Variants in SLC1A3 observed in about 807,000 individuals in gnomAD.
SLC1A3 encodes solute carrier family 1 member 3.
In SLC1A3, 21 loss-of-function variants were observed where a neutral mutation model predicts 48.1. The ratio of observed to expected loss-of-function variants is 0.44; its 90% confidence interval spans 0.31 to 0.63. The LOEUF (loss-of-function observed/expected upper bound fraction) is 0.63. Ranked by LOEUF, SLC1A3 falls within the 20% of genes least tolerant of loss-of-function variation. The pLI is 0.08. For synonymous variants in SLC1A3, 239 were observed against 251.4 expected, an observed-to-expected ratio of 0.95 and a Z score of 0.47; for missense variants, 546 against 689.0, an observed-to-expected ratio of 0.79 and a Z score of 2.32.
chr5:36,671,334 C>T (rs1741988203), intron 4 of SLC1A3, 101 bp downstream of exon 4: 6 of 800,630 alleles, frequency 7.5e-6, no homozygotes, highest in Non-Finnish European at 1.3e-5. Flanking sequence ...ACTGAACCAG[C>T]CTTGCCAGGC....
chr5:36,600,465 CCTGTTGATT>C (rs1280774895), intron 1 of SLC1A3, among the ~76,000 whole-genome samples: 2 of 152,312 alleles, frequency 1.3e-5, no homozygotes, highest in Middle Eastern at 3.4e-3. Flanking sequence ...CCTGATTTCA[CCTGTTGATT>C]ATTAAGCGAT....
At chr5:36,678,594 T>C (rs1484405057) in intron 6 of SLC1A3, among the ~76,000 whole-genome samples, 2 of 152,236 alleles carry the variant, frequency 1.3e-5, no homozygotes, top group African/African-American at 2.4e-5. Flanking sequence ...AAGTCCTCCA[T>C]AGTTCCCAGG....
intron 3 of SLC1A3, among the ~76,000 whole-genome samples, chr5:36,657,181 CAG>C (rs1741318105): frequency 1.3e-5 from 2 of 152,140 alleles, no homozygotes; most frequent in African/African-American, 4.8e-5. Context: ...TTTAGGAAAA[CAG>C]TAATTCCTGA....
intron 9 of SLC1A3, among the ~76,000 whole-genome samples, chr5:36,684,221 G>A (rs929796193): frequency 6.6e-6 from 1 of 152,236 alleles, no homozygotes; most frequent in Non-Finnish European, 1.5e-5. Context: ...GGGCACATCT[G>A]GCTGCCACAC....
chr5:36,662,340 T>C (rs563115119), intron 3 of SLC1A3, among the ~76,000 whole-genome samples: 108 of 152,278 alleles, frequency 7.1e-4, no homozygotes, highest in Non-Finnish European at 1.4e-3. Flanking sequence ...ACACACACTT[T>C]GCTTTTTGCT....
chr5:36,680,360 C>T (rs1305281265), intron 7 of SLC1A3, 35 bp from the exon 8 acceptor site: 1 of 1,567,322 alleles, frequency 6.4e-7, no homozygotes, highest in Non-Finnish European at 8.8e-7. Context: ...ACTACCAGGA[C>T]ACTCAGCTGA....
At chr5:36,624,813 T>C (rs868820142) in intron 2 of SLC1A3, among the ~76,000 whole-genome samples, 20 of 152,344 alleles carry the variant, frequency 1.3e-4, no homozygotes, top group African/African-American at 3.6e-4. Context: ...GGATTTGGTA[T>C]AGCCATTTTT....
chr5:36,615,075 G>T (rs1035614363), intron 2 of SLC1A3, among the ~76,000 whole-genome samples: 1 of 152,138 alleles, frequency 6.6e-6, no homozygotes, highest in African/African-American at 2.4e-5. Flanking sequence ...AGCACTTTCT[G>T]TTGCACTCTC....
chr5:36,636,466 T>A (rs867870466), intron 3 of SLC1A3: 1 of 31,176 alleles, frequency 3.2e-5, no homozygotes, highest in East Asian at 1.1e-3. Context: ...TTCTTTCTTT[T>A]CTTTCTTTCT....
chr5:36,675,013 G>T (rs1742148692), intron 5 of SLC1A3, among the ~76,000 whole-genome samples: 2 of 152,068 alleles, frequency 1.3e-5, no homozygotes, highest in African/African-American at 4.8e-5. Context: ...AGACACTCTT[G>T]GTTAAATAAT....
intron 3 of SLC1A3, among the ~76,000 whole-genome samples, chr5:36,636,791 C>CGAAGGGAGCTTGCAG (rs1364864745): frequency 2.6e-5 from 4 of 151,954 alleles, no homozygotes; most frequent in Admixed American, 6.6e-5. Context: ...CCTTCCCTTT[C>CGAAGGGAGCTTGCAG]GAAGGGAGCT....
chr5:36,618,068 G>A (rs926656207), intron 2 of SLC1A3, among the ~76,000 whole-genome samples: 7 of 152,202 alleles, frequency 4.6e-5, no homozygotes, highest in African/African-American at 1.7e-4. Flanking sequence ...CAGTTTGTGC[G>A]GGTTCCGCAG....
intron 3 of SLC1A3, chr5:36,668,533 G>A (rs1741854154): frequency 6.6e-6 from 1 of 152,186 alleles, no homozygotes; most frequent in Admixed American, 6.5e-5. Flanking sequence ...GGACCTACAT[G>A]GAGATGTGAT....
intron 6 of SLC1A3, 41 bp downstream of exon 6, chr5:36,677,225 G>T (rs762889135): frequency 9.6e-5 from 149 of 1,555,726 alleles, no homozygotes; most frequent in Non-Finnish European, 1.3e-4. Context: ...ATACGAGATG[G>T]TTATTGCCAT....
intron 3 of SLC1A3, among the ~76,000 whole-genome samples, chr5:36,670,254 T>C (rs973758436): frequency 3.9e-5 from 6 of 152,150 alleles, no homozygotes; most frequent in Non-Finnish European, 7.4e-5. Flanking sequence ...GAAGATGTTC[T>C]GAAAATGAGG....
At position 36,623,493 on chromosome 5, in the gene SLC1A3, A is replaced by G. The variant is rs141173510; in HGVS notation, c.182-5957A>G. Among the ~76,000 whole-genome samples the G allele has an allele frequency of 3.0e-3, 462 of 152,238 alleles. 1 individual carries two copies. The highest frequency in any genetic ancestry group is 0.01 in the African/African-American group (417 of 41,538). ...TTGTCAGCTTTGGGACTATCAATCA[A>G]TGTGTTTCAAATAAGTGACCACTAA... On this transcript the variant is annotated intron_variant, in intron 2 of 9. Coordinates refer to ENST00000265113, the MANE Select transcript of SLC1A3 (RefSeq NM_004172.5).
At chr5:36,651,156 A>T (rs1741050446) in intron 3 of SLC1A3, among the ~76,000 whole-genome samples, 1 of 150,726 alleles carries the variant, frequency 6.6e-6, no homozygotes, top group Non-Finnish European at 1.5e-5. Context: ...AAAAAAAAAA[A>T]AAAAAAAAAA....
chr5:36,686,470 A>G lies in SLC1A3; in HGVS notation c.*201A>G, dbSNP rs949903447. 1.0e-5 allele frequency: 6 copies of G among 595,504 alleles called. No homozygotes were observed. The highest frequency in any genetic ancestry group is 1.8e-5 in the Non-Finnish European group (6 of 335,040). 36.9% of individuals were successfully genotyped at this position (595,504 alleles called of 1,614,324 possible). ...GTACAATTTTCATCCCACAATTGAA[A>G]TTTTTAAATCATTTCATGTTAGTCT... On this transcript the variant is annotated 3_prime_UTR_variant, in exon 10 of 10. Transcript: ENST00000265113.
At chr5:36,635,164 C>T (rs553620385) in intron 3 of SLC1A3, among the ~76,000 whole-genome samples, 1 of 148,506 alleles carries the variant, frequency 6.7e-6, no homozygotes, top group East Asian at 2.0e-4. Context: ...CCTACCCGTA[C>T]GTTGTATTGA....
Sources: gnomAD v4.1 joint callset for allele counts (sites outside exome capture counted in the v4.1 genomes callset) on GRCh38, gnomAD v4.1.1 for gene constraint, MANE v1.5 for transcripts, NCBI Gene and HGNC (gene_info 2026-07-23, HGNC 2026-07-21) for gene names.